Variants in ADAMTS2 observed in about 807,000 individuals in gnomAD.
ADAMTS2 encodes the protein ADAM metallopeptidase with thrombospondin type 1 motif 2.
ADAMTS2 carries 50 observed loss-of-function variants against 123.0 expected under a neutral mutation model. That is an observed-to-expected ratio of 0.41 (90% CI 0.32 to 0.51). The LOEUF is 0.51. Ranked by LOEUF, ADAMTS2 falls within the 20% of genes least tolerant of loss-of-function variation. The pLI is 0.35. For synonymous variants in ADAMTS2, 678 were observed against 695.4 expected (o/e 0.98, Z 0.39); for missense variants, 1,494 against 1,705.2 (o/e 0.88, Z 2.18).
Position 179,202,238 on chromosome 5 carries a change from C to T in ADAMTS2, c.891+5275G>A, listed in dbSNP as rs1045199450. Among the ~76,000 whole-genome samples, 5 of 152,232 alleles carry T rather than the reference C, an allele frequency of 3.3e-5. No individual in the cohort carries two copies. The highest frequency in any genetic ancestry group is 1.2e-4 in the African/African-American group (5 of 41,542). On this transcript the variant is annotated intron_variant, in intron 4 of 21. Transcript: ENST00000251582. This position sits in a 1 kb window ranked among gnomAD's most constrained non-coding sequence, Gnocchi z 4.0. ...CCTGCTTGACAGGCCAGGCTGCCTC[C>T]ATTCTTCCAGCCGGCCCCATTCCTG...
intron 10 of ADAMTS2, among the ~76,000 whole-genome samples, chr5:179,146,208 A>G (rs1282480592): frequency 6.6e-6 from 1 of 152,236 alleles, no homozygotes; most frequent in Non-Finnish European, 1.5e-5. Flanking sequence ...TAAAGCTGTT[A>G]GGGAAAAAAA....
chr5:179,217,867 C>G (rs1400668365), intron 3 of ADAMTS2, among the ~76,000 whole-genome samples: 40 of 48,976 alleles, frequency 8.2e-4, no homozygotes, highest in African/African-American at 3.8e-3. Flanking sequence ...AGGGGATGGC[C>G]TGAGGGCAGA....
At chr5:179,343,333 A>G (rs1757834747) in intron 2 of ADAMTS2, among the ~76,000 whole-genome samples, 1 of 152,250 alleles carries the variant, frequency 6.6e-6, no homozygotes, top group South Asian at 2.1e-4. Flanking sequence ...CCAGACACAT[A>G]CGTGCACAAG....
intron 17 of ADAMTS2, among the ~76,000 whole-genome samples, chr5:179,126,732 C>A (rs768135580): frequency 3.3e-5 from 5 of 152,252 alleles, no homozygotes; most frequent in Non-Finnish European, 7.3e-5. Context: ...GGCTTCGAAA[C>A]CCTGGCCTGC....
intron 2 of ADAMTS2, among the ~76,000 whole-genome samples, chr5:179,309,926 C>A (rs1160149447): frequency 6.6e-6 from 1 of 152,190 alleles, no homozygotes; most frequent in Non-Finnish European, 1.5e-5. Flanking sequence ...ACCCAGCAGG[C>A]CCCCACTGCA....
chr5:179,279,123 C>A (rs529290329), intron 2 of ADAMTS2, among the ~76,000 whole-genome samples: 2 of 152,044 alleles, frequency 1.3e-5, no homozygotes, highest in Non-Finnish European at 2.9e-5. Context: ...AGCAGCCTCC[C>A]ACCTGTGTAT....
chr5:179,342,594 G>A (rs1757806984), intron 2 of ADAMTS2, among the ~76,000 whole-genome samples: 1 of 152,258 alleles, frequency 6.6e-6, no homozygotes. Flanking sequence ...AGCTGCCCGA[G>A]TACGGGCGTG....
In ADAMTS2 at chr5:179,285,383, C is replaced by A. The variant is rs2113534895; in HGVS notation, c.535-12319G>T. Among the ~76,000 whole-genome samples, 1 of 152,362 alleles carries A rather than the reference C, an allele frequency of 6.6e-6. No individual in the cohort carries two copies. The highest frequency in any genetic ancestry group is 2.4e-5 in the African/African-American group (1 of 41,582). On this transcript the variant is annotated intron_variant, in intron 2 of 21. Transcript: ENST00000251582. The surrounding 1 kb of genome is among the most constrained non-coding windows in gnomAD (Gnocchi z 4.9). ...CTCACGGGGCCAGCGCAGGGGCCAG[C>A]CAGGCGGCCTTCTGCTAAATCAAGC...
At chr5:179,327,562 C>T (rs1449030285) in intron 2 of ADAMTS2, among the ~76,000 whole-genome samples, 1 of 152,220 alleles carries the variant, frequency 6.6e-6, no homozygotes, top group Non-Finnish European at 1.5e-5. Context: ...CGCCGCCACT[C>T]ATCCCCATAA....
At chr5:179,240,345 G>A (rs1477807886) in intron 3 of ADAMTS2, among the ~76,000 whole-genome samples, 1 of 152,174 alleles carries the variant, frequency 6.6e-6, no homozygotes, top group Non-Finnish European at 1.5e-5. Flanking sequence ...TTGTTCAGTA[G>A]ATGTTACAAA....
chr5:179,163,707 T>A (rs1299405926), intron 5 of ADAMTS2, among the ~76,000 whole-genome samples: 1 of 152,188 alleles, frequency 6.6e-6, no homozygotes, highest in African/African-American at 2.4e-5. Context: ...GCAGCCAAAG[T>A]GATCTTGCTG....
chr5:179,137,989 GA>G (rs1763095850), intron 11 of ADAMTS2, 45 bp from the exon 12 acceptor site: 2 of 1,536,986 alleles, frequency 1.3e-6, no homozygotes, highest in Non-Finnish European at 1.7e-6. Flanking sequence ...CCATTGGAAA[GA>G]GGCAGCACCC....
rs906882792 is a variant in ADAMTS2, at chr5:179,285,850, A to G, written c.535-12786T>C. On this transcript the variant is annotated intron_variant, in intron 2 of 21. Transcript: ENST00000251582. The surrounding 1 kb of genome is among the most constrained non-coding windows in gnomAD (Gnocchi z 4.9). ...TTCCATGTCTCACCAGCTGGACCAC[A>G]GCAGATTGTGGCCTTGAGACGTGTG... Among the ~76,000 whole-genome samples the G allele has an allele frequency of 2.0e-5, 3 of 152,210 alleles. No individual in the cohort carries two copies. The highest frequency in any genetic ancestry group is 4.4e-5 in the Non-Finnish European group (3 of 68,038).
At chr5:179,279,984 G>A (rs982470412) in intron 2 of ADAMTS2, among the ~76,000 whole-genome samples, 6 of 152,196 alleles carry the variant, frequency 3.9e-5, no homozygotes, top group African/African-American at 1.2e-4. Context: ...AGCCACTCCC[G>A]TCCTTCCTCT....
chr5:179,244,732 A>C (rs1248200013), intron 3 of ADAMTS2, among the ~76,000 whole-genome samples: 1 of 152,226 alleles, frequency 6.6e-6, no homozygotes, highest in Non-Finnish European at 1.5e-5. Flanking sequence ...TTTGACTAAC[A>C]GCACAAAGCA....
At chr5:179,164,173 A>G (rs1249200435) in intron 5 of ADAMTS2, among the ~76,000 whole-genome samples, 1 of 152,208 alleles carries the variant, frequency 6.6e-6, no homozygotes, top group Non-Finnish European at 1.5e-5. Flanking sequence ...CCAACGTCCC[A>G]ACATCTCCAA....
At chr5:179,276,351 C>T (rs1766695394) in intron 2 of ADAMTS2, among the ~76,000 whole-genome samples, 1 of 152,186 alleles carries the variant, frequency 6.6e-6, no homozygotes, top group Non-Finnish European at 1.5e-5. Flanking sequence ...CATCTTATGA[C>T]TGAAACTCAT....
intron 4 of ADAMTS2, among the ~76,000 whole-genome samples, chr5:179,183,121 TG>T (rs1342931283): frequency 6.6e-6 from 1 of 152,176 alleles, no homozygotes; most frequent in Non-Finnish European, 1.5e-5. Flanking sequence ...TGTGAGGTCC[TG>T]GGGGTAGGGT....
rs1007739690 is a variant in ADAMTS2 at position 179,122,957 on chromosome 5, G to T, written c.2959-184C>A. ...TCGGGGGCAGCCCCAATCTCCTGGG[G>T]CTCTAAAGAAGGGACCCACATGCCT... On this transcript the variant is annotated intron_variant, in intron 19 of 21. Coordinates refer to ENST00000251582, the MANE Select transcript of ADAMTS2 (RefSeq NM_014244.5). The T allele has an allele frequency of 4.8e-6, 4 of 825,246 alleles. No homozygotes were observed. The South Asian group carries it at 4.9e-5, about 10-fold the overall frequency. The allele number at this position is 825,246 out of a possible 1,614,324, so 51.1% of individuals were successfully genotyped here. A position where few individuals can be genotyped will look rare whatever the true frequency, so the allele number is the denominator to read the frequency against.
Sources: gnomAD v4.1 joint callset for allele counts (sites outside exome capture counted in the v4.1 genomes callset) on GRCh38, gnomAD v4.1.1 for gene constraint, Gnocchi (gnomAD v3.1) non-coding constraint, MANE v1.5 for transcripts, NCBI Gene and HGNC (gene_info 2026-07-23, HGNC 2026-07-21) for gene names.